Variants in VCL observed in about 807,000 individuals in gnomAD.
The protein encoded by VCL is vinculin.
VCL carries 47 observed loss-of-function variants against 125.7 expected under a neutral mutation model. That is an observed-to-expected ratio of 0.37 (90% CI 0.30 to 0.48). The LOEUF (loss-of-function observed/expected upper bound fraction) is 0.48. Ranked by LOEUF, VCL falls within the 20% of genes least tolerant of loss-of-function variation. VCL has a pLI of 0.99. For synonymous variants in VCL, 458 were observed against 514.6 expected, an observed-to-expected ratio of 0.89 and a Z score of 1.49; for missense variants, 1,069 against 1,455.5, an observed-to-expected ratio of 0.73 and a Z score of 4.32.
intron 2 of VCL, among the ~76,000 whole-genome samples, chr10:74,051,454 C>T (rs888971947): frequency 2.6e-5 from 4 of 152,206 alleles, no homozygotes; most frequent in Non-Finnish European, 5.9e-5. Context: ...CCAGCCTGGT[C>T]TTGAGCTCTG....
chr10:74,109,082 G>A lies in VCL; in HGVS notation c.2671G>A (p.Gly891Arg), dbSNP rs2131933634. ...TGAAGAGTTCCCTGAGCAGAAGGCC[G>A]GGGAGGTGATTAACCAGCCAATGAT... ...KDEEFPEQKAGEVINQPMMMA... is the reference protein window; with the variant it reads ...KDEEFPEQKAREVINQPMMMA... Residue 891 changes from glycine (G) to arginine (R), a missense_variant, in exon 18 of 22, where the codon GGG becomes AGG. This residue lies in a region of VCL where 28 missense variants were observed against 65.1 expected (regional missense o/e 0.43). Coordinates refer to ENST00000211998, the MANE Select transcript of VCL (RefSeq NM_014000.3). 1 of 1,614,114 alleles carries A rather than the reference G, an allele frequency of 6.2e-7. No homozygotes were observed. Among genetic ancestry groups the A allele is most frequent in the African/African-American group, 1.3e-5 (1 of 75,020 alleles).
intron 1 of VCL, among the ~76,000 whole-genome samples, chr10:74,022,479 G>T (rs1036710885): frequency 2.6e-5 from 4 of 151,834 alleles, no homozygotes; most frequent in Non-Finnish European, 4.4e-5. Flanking sequence ...CCAGGAGGCA[G>T]CAGTTGCAGT....
chr10:74,082,249 G>A (rs1276600328), intron 6 of VCL, among the ~76,000 whole-genome samples: 1 of 152,206 alleles, frequency 6.6e-6, no homozygotes, highest in Non-Finnish European at 1.5e-5. Context: ...TAGCAACAGA[G>A]TAGAATTAAC....
In VCL at chr10:74,097,302, G is replaced by T; in HGVS notation, c.1842G>T (p.Thr614=). 1 of 1,613,824 alleles carries T rather than the reference G, an allele frequency of 6.2e-7. No homozygotes were observed. The highest frequency in any genetic ancestry group is 1.7e-5 in the Admixed American group (1 of 60,026). ...TCAAGCTGTTGGCAGTGGCAGCCAC[G>T]GCGCCTCCTGATGCGCCTAACAGGG... ...TPIKLLAVAA[T]APPDAPNREE... The change falls in exon 13 of 22, where the codon ACG becomes ACT. Residue 614 remains threonine (T), a synonymous_variant. Transcript: ENST00000211998. This position sits in a 1 kb window ranked among gnomAD's most constrained non-coding sequence, Gnocchi z 4.1.
chr10:73,998,175 C>A lies in VCL; in HGVS notation c.-33C>A. 1 of 1,606,482 alleles carries A rather than the reference C, an allele frequency of 6.2e-7. No individual in the cohort carries two copies. Among genetic ancestry groups the A allele is most frequent in the South Asian group, 1.1e-5 (1 of 89,884 alleles). On this transcript the variant is annotated 5_prime_UTR_variant, in exon 1 of 22. Transcript: ENST00000211998. ...GGCCCCGTGGATCCTACTTCTCTGT[C>A]GCCCGCGGTTCGCCGCCCCGCTCGC...
At chr10:74,117,863 T>A (rs538283645) in intron 21 of VCL, among the ~76,000 whole-genome samples, 160 bp from the exon 22 acceptor site, 1 of 152,324 alleles carries the variant, frequency 6.6e-6, no homozygotes, top group South Asian at 2.1e-4. Flanking sequence ...AGTTTTGGGT[T>A]CTTTTTGGTG....
In VCL at chr10:74,119,092, C is replaced by T. The variant is rs1840356151; in HGVS notation, c.*923C>T. The T allele has an allele frequency of 6.6e-6, 1 of 152,646 alleles. No homozygotes were observed. Among genetic ancestry groups the T allele is most frequent in the South Asian group, 2.1e-4 (1 of 4,826 alleles). The allele number at this position is 152,646 out of a possible 1,614,324, so 9.5% of individuals were successfully genotyped here. Reference sequence around the variant, plus strand: ...CTGTGCTGAGGCCTTATCATTCATTCTTAGCTCTTAATTGTTCATTTTGAG... The same window carrying T: ...CTGTGCTGAGGCCTTATCATTCATTTTTAGCTCTTAATTGTTCATTTTGAG... On this transcript the variant is annotated 3_prime_UTR_variant, in exon 22 of 22. Coordinates refer to ENST00000211998, the MANE Select transcript of VCL (RefSeq NM_014000.3).
At chr10:74,010,559 T>A (rs965455675) in intron 1 of VCL, among the ~76,000 whole-genome samples, 1 of 152,124 alleles carries the variant, frequency 6.6e-6, no homozygotes, top group African/African-American at 2.4e-5. Context: ...TCATTTTTTC[T>A]TGTTACTCCA....
intron 2 of VCL, among the ~76,000 whole-genome samples, 164 bp downstream of exon 2, chr10:74,043,317 T>G (rs1332562655): frequency 6.6e-6 from 1 of 152,094 alleles, no homozygotes; most frequent in Non-Finnish European, 1.5e-5. Context: ...ACTGTTCATT[T>G]TAGTTTTTGA....
chr10:74,074,418 C>T (rs919147895), intron 5 of VCL, among the ~76,000 whole-genome samples: 6 of 152,112 alleles, frequency 3.9e-5, no homozygotes, highest in African/African-American at 1.2e-4. Flanking sequence ...TAGATGGAGC[C>T]AGGGTGAGGG....
intron 19 of VCL, 81 bp downstream of exon 19, chr10:74,112,193 A>G: frequency 6.4e-7 from 1 of 1,557,722 alleles, no homozygotes; most frequent in African/African-American, 1.4e-5. Context: ...ATCACTCATG[A>G]TCTGTGCTGG....
Position 74,066,122 on chromosome 10 carries a change from C to T in VCL, c.240-4548C>T, listed in dbSNP as rs538558348. Among the ~76,000 whole-genome samples the T allele has an allele frequency of 1.6e-3, 235 of 149,698 alleles. 1 individual carries two copies. Among genetic ancestry groups the T allele is most frequent in the African/African-American group, 5.5e-3 (221 of 40,336 alleles). ...TTGCCCAGGCTGGAGTGCAATGGCA[C>T]GATCTCAGCTCACCGCAACCTCCGC... On this transcript the variant is annotated intron_variant, in intron 2 of 21. Coordinates refer to ENST00000211998, the MANE Select transcript of VCL (RefSeq NM_014000.3).
At chr10:74,100,022 G>A (rs1029581032) in intron 13 of VCL, among the ~76,000 whole-genome samples, 7 of 152,174 alleles carry the variant, frequency 4.6e-5, no homozygotes, top group Admixed American at 2.0e-4. Flanking sequence ...AAAAGAGGAC[G>A]CATTCCACTA....
Position 74,095,875 on chromosome 10 carries a change from A to T in VCL, c.1743+20A>T, listed in dbSNP as rs1839960770. On this transcript the variant is annotated intron_variant, in intron 12 of 21. Transcript: ENST00000211998. ...TTAAAGGTAGAAGTCAGGAGCACAT[A>T]TCATTTTACTTTTTATGCTTCCTAT... The T allele has an allele frequency of 6.2e-7, 1 of 1,610,952 alleles. No homozygotes were observed. The highest frequency in any genetic ancestry group is 1.7e-5 in the Admixed American group (1 of 60,000).
chr10:74,105,436 C>A, intron 16 of VCL, 83 bp downstream of exon 16: 1 of 1,558,628 alleles, frequency 6.4e-7, no homozygotes, highest in Non-Finnish European at 8.8e-7. Flanking sequence ...ACCCCACAAC[C>A]ACCACATACA....
chr10:74,098,339 T>G (rs1384894062), intron 13 of VCL, among the ~76,000 whole-genome samples: 1 of 152,220 alleles, frequency 6.6e-6, no homozygotes, highest in Non-Finnish European at 1.5e-5. Flanking sequence ...CATCTCCATA[T>G]CCTACTTTTT....
At chr10:74,117,328 G>A (rs1440988604) in intron 21 of VCL, among the ~76,000 whole-genome samples, 1 of 152,150 alleles carries the variant, frequency 6.6e-6, no homozygotes, top group African/African-American at 2.4e-5. Context: ...AATACGTAGT[G>A]TATCAGTTCG....
chr10:74,017,312 G>A (rs1463768020), intron 1 of VCL, among the ~76,000 whole-genome samples: 8 of 151,982 alleles, frequency 5.3e-5, no homozygotes, highest in Admixed American at 1.3e-4. Flanking sequence ...CTCCCAAAGT[G>A]CTGGGATTAC....
chr10:74,085,908 C>T (rs906173906), intron 8 of VCL, among the ~76,000 whole-genome samples: 2 of 152,152 alleles, frequency 1.3e-5, no homozygotes, highest in South Asian at 2.1e-4. Context: ...GCTCTTATTG[C>T]CCAGGCTGGA....
Sources: allele counts gnomAD v4.1 joint callset (sites outside exome capture counted in the v4.1 genomes callset), GRCh38; gene constraint gnomAD v4.1.1; regional missense constraint gnomAD v4.1.1; non-coding constraint Gnocchi (gnomAD v3.1); transcripts MANE v1.5; gene names NCBI Gene and HGNC (gene_info 2026-07-23, HGNC 2026-07-21).